Variants in RAB3C observed in about 807,000 individuals in gnomAD.
RAB3C encodes RAB3C, member RAS oncogene family, also known as ras-related protein Rab-3C.
A neutral mutation model predicts 26.4 loss-of-function variants in RAB3C; 17 were observed. The ratio of observed to expected loss-of-function variants is 0.64; its 90% CI spans 0.44 to 0.97. RAB3C has a LOEUF of 0.97. Ranked by LOEUF, RAB3C falls within the 50% of genes least tolerant of loss-of-function variation. The pLI is 0.00. For synonymous variants in RAB3C, 91 were observed against 95.9 expected, an observed-to-expected ratio of 0.95 and a Z score of 0.30; for missense variants, 242 against 281.9, an observed-to-expected ratio of 0.86 and a Z score of 1.01.
In RAB3C at chr5:58,597,767, CAT is replaced by C. The variant is rs1222638581; in HGVS notation, c.24+14539_24+14540del. Among the ~76,000 whole-genome samples the C allele has an allele frequency of 4.8e-5, 2 of 42,090 alleles. 1 individual carries two copies. Among genetic ancestry groups the C allele is most frequent in the Non-Finnish European group, 1.3e-4 (2 of 15,636 alleles). The allele number at this position is 42,090 out of a possible 152,430, so 27.6% of individuals were successfully genotyped here. A position where few individuals can be genotyped will look rare whatever the true frequency, so the allele number is the denominator to read the frequency against. ...TAATACATTATATATAAGTATATAA[CAT>C]ATAATACATTATATATAAGTATATA... On this transcript the variant is annotated intron_variant, in intron 1 of 4. Transcript: ENST00000282878.
chr5:58,654,316 C>A (rs1211537337), intron 2 of RAB3C, among the ~76,000 whole-genome samples: 7 of 152,074 alleles, frequency 4.6e-5, no homozygotes, highest in African/African-American at 1.7e-4. Flanking sequence ...TTTATGGATT[C>A]TTTCCAAAGA....
intron 2 of RAB3C, among the ~76,000 whole-genome samples, chr5:58,659,503 T>C (rs1269939030): frequency 6.6e-6 from 1 of 152,186 alleles, no homozygotes; most frequent in Admixed American, 6.5e-5. Flanking sequence ...CATTTGCCAA[T>C]GAAAGGAATA....
intron 2 of RAB3C, among the ~76,000 whole-genome samples, chr5:58,681,020 A>AT (rs549771349): frequency 9.5e-4 from 144 of 152,132 alleles, no homozygotes; most frequent in African/African-American, 3.3e-3. Context: ...ATTTAATAAA[A>AT]TTTTTTTTAA....
intron 3 of RAB3C, among the ~76,000 whole-genome samples, chr5:58,728,621 C>T (rs1489334626): frequency 1.3e-5 from 2 of 151,946 alleles, no homozygotes; most frequent in African/African-American, 4.8e-5. Flanking sequence ...TCTGGGAGCA[C>T]ATGTTAATCA....
At chr5:58,582,500 A>G (rs1165617034), upstream of RAB3C, 2 of 766,692 alleles carry the variant, frequency 2.6e-6, no homozygotes, top group East Asian at 1.3e-4. Context: ...GTGTGTGACT[A>G]TGTACGCGCG....
intron 2 of RAB3C, among the ~76,000 whole-genome samples, chr5:58,646,541 G>A (rs1406337253): frequency 6.6e-6 from 1 of 152,094 alleles, no homozygotes; most frequent in Non-Finnish European, 1.5e-5. Flanking sequence ...GCACTTGACA[G>A]ACTCCCAGGC....
chr5:58,828,608 G>A (rs1274282275), intron 4 of RAB3C, among the ~76,000 whole-genome samples: 2 of 152,224 alleles, frequency 1.3e-5, no homozygotes, highest in Non-Finnish European at 2.9e-5. Flanking sequence ...ACATCCACCT[G>A]CCAGCTGTGC....
intron 3 of RAB3C, among the ~76,000 whole-genome samples, chr5:58,808,121 A>G (rs1027153171): frequency 1.3e-5 from 2 of 149,664 alleles, no homozygotes; most frequent in African/African-American, 5.0e-5. Context: ...GTTACTCGAG[A>G]GGCTGAGGCA....
intron 3 of RAB3C, among the ~76,000 whole-genome samples, chr5:58,736,070 T>G (rs1579888288): frequency 6.6e-6 from 1 of 152,140 alleles, no homozygotes; most frequent in East Asian, 1.9e-4. Context: ...CTATAGGAAT[T>G]TACCATTTTT....
At position 58,853,796 on chromosome 5, in the gene RAB3C, G is replaced by C. The variant is rs915769411; in HGVS notation, c.*2445G>C. On this transcript the variant is annotated 3_prime_UTR_variant, in exon 5 of 5. Transcript: ENST00000282878. ...TTCTCAGTTCTGAAACTCCCACCCT[G>C]TTAGGATTTCCATTCCAAATAATTC... The C allele has an allele frequency of 1.3e-5, 2 of 152,076 alleles. No homozygotes were observed. The highest frequency in any genetic ancestry group is 4.2e-4 in the South Asian group (2 of 4,814). The allele number at this position is 152,076 out of a possible 1,614,324, so 9.4% of individuals were successfully genotyped here. A position where few individuals can be genotyped will look rare whatever the true frequency, so the allele number is the denominator to read the frequency against.
chr5:58,764,279 C>T (rs542097841), intron 3 of RAB3C, among the ~76,000 whole-genome samples: 73 of 148,140 alleles, frequency 4.9e-4, no homozygotes, highest in South Asian at 1.5e-3. Context: ...AGCCTCCATT[C>T]CTTGTGCCCA....
At chr5:58,769,127 G>A (rs1741973089) in intron 3 of RAB3C, among the ~76,000 whole-genome samples, 2 of 152,040 alleles carry the variant, frequency 1.3e-5, no homozygotes, top group African/African-American at 4.8e-5. Context: ...TGGGCCCTGA[G>A]CTTCTCGGTA....
rs914539088 is a variant in RAB3C at position 58,857,457 on chromosome 5, C to T, written c.*6106C>T. On this transcript the variant is annotated 3_prime_UTR_variant, in exon 5 of 5. Coordinates refer to ENST00000282878, the MANE Select transcript of RAB3C (RefSeq NM_138453.4). The stretch of plus-strand genomic sequence containing the variant: ...TCTTTAAGTGTCATATAAAAGTGTA[C>T]ATTTTACTTTTAAGCAACTAATTTA... The T allele has an allele frequency of 1.3e-5, 2 of 152,064 alleles. No individual in the cohort carries two copies. Among genetic ancestry groups the T allele is most frequent in the Non-Finnish European group, 2.9e-5 (2 of 67,994 alleles). 9.4% of individuals were successfully genotyped at this position (152,064 alleles called of 1,614,324 possible).
At chr5:58,626,157 T>A (rs1747046205) in intron 2 of RAB3C, among the ~76,000 whole-genome samples, 1 of 152,232 alleles carries the variant, frequency 6.6e-6, no homozygotes, top group South Asian at 2.1e-4. Context: ...CGTCTTCATG[T>A]TTCTAGCTGC....
chr5:58,701,733 C>A (rs1021380221), intron 2 of RAB3C, among the ~76,000 whole-genome samples: 1 of 152,180 alleles, frequency 6.6e-6, no homozygotes, highest in Non-Finnish European at 1.5e-5. Context: ...ACCTTCATAG[C>A]CAACAAGATA....
At chr5:58,771,878 G>A (rs1355606373) in intron 3 of RAB3C, among the ~76,000 whole-genome samples, 1 of 123,144 alleles carries the variant, frequency 8.1e-6, no homozygotes, top group African/African-American at 3.2e-5. Flanking sequence ...TCTTTTTCCT[G>A]GCAGAGGTTA....
At position 58,593,939 on chromosome 5, in the gene RAB3C, T is replaced by C. The variant is rs367842887; in HGVS notation, c.24+10707T>C. On this transcript the variant is annotated intron_variant, in intron 1 of 4. Coordinates refer to ENST00000282878, the MANE Select transcript of RAB3C (RefSeq NM_138453.4). The stretch of plus-strand genomic sequence containing the variant: ...TCTAGCGACCTTCAAAAAAACCACA[T>C]TTTATGCCTCCTTGGCCTCCTATCT... Among the ~76,000 whole-genome samples, 33 of 152,248 alleles carry C rather than the reference T, an allele frequency of 2.2e-4. No individual in the cohort carries two copies. The East Asian group carries it at 2.5e-3, about 12-fold the overall frequency.
intron 2 of RAB3C, among the ~76,000 whole-genome samples, chr5:58,724,462 G>A (rs1218481422): frequency 2.6e-5 from 4 of 151,588 alleles, no homozygotes; most frequent in Non-Finnish European, 4.4e-5. Flanking sequence ...TAAAAGCAGG[G>A]ACCTTTTTAT....
intron 3 of RAB3C, among the ~76,000 whole-genome samples, chr5:58,773,225 G>A (rs1742062329): frequency 6.6e-6 from 1 of 152,134 alleles, no homozygotes; most frequent in Non-Finnish European, 1.5e-5. Context: ...CACTATAGAT[G>A]TGGCTTAGAA....
Sources: gnomAD v4.1 joint callset for allele counts (sites outside exome capture counted in the v4.1 genomes callset) on GRCh38, gnomAD v4.1.1 for gene constraint, MANE v1.5 for transcripts, NCBI Gene and HGNC (gene_info 2026-07-23, HGNC 2026-07-21) for gene names.